The following TP63 variants were observed in gnomAD, a reference collection of about 807,000 sequenced individuals.
The protein encoded by TP63 is tumor protein 63.
Under a neutral mutation model 82.8 loss-of-function variants are expected in TP63, and 17 were observed. That is an observed-to-expected ratio of 0.21 (90% CI 0.14 to 0.31). The LOEUF (loss-of-function observed/expected upper bound fraction) is 0.31, where lower values mean the gene tolerates loss of function less well. Ranked by LOEUF, TP63 falls within the 10% of genes least tolerant of loss-of-function variation. The probability of loss-of-function intolerance (pLI) is 1.00; values close to 1 mark genes in which losing one functional copy is unlikely to be tolerated. For missense variants in TP63, 648 were observed against 895.3 expected (o/e 0.72, Z 3.52); for synonymous variants, 330 against 321.7 (o/e 1.03, Z -0.28).
At position 189,649,076 on chromosome 3, in the gene TP63, A is replaced by T. The variant is rs1712662353; in HGVS notation, c.62+17499A>T. Among the ~76,000 whole-genome samples, 3 of 147,370 alleles carry T rather than the reference A, an allele frequency of 2.0e-5. 1 individual carries two copies. The highest frequency in any genetic ancestry group is 4.5e-5 in the Non-Finnish European group (3 of 67,406). ...TTATACCAGGCACTAGTTAGCAAAA[A>T]GTTATTCATGCTATTATGGAAGTGT... On this transcript the variant is annotated intron_variant, in intron 1 of 13. Coordinates refer to ENST00000264731, the MANE Select transcript of TP63 (RefSeq NM_003722.5).
chr3:189,788,973 A>G (rs890912815), intron 3 of TP63, among the ~76,000 whole-genome samples: 1 of 151,626 alleles, frequency 6.6e-6, no homozygotes, highest in African/African-American at 2.4e-5. Context: ...GGACACATTT[A>G]TCAGGATTCC....
intron 3 of TP63, among the ~76,000 whole-genome samples, chr3:189,759,927 A>G (rs1442184326): frequency 1.7e-4 from 26 of 152,212 alleles, no homozygotes; most frequent in Non-Finnish European, 3.5e-4. Flanking sequence ...AGCAAGTCAC[A>G]TCTTATGTGG....
intron 4 of TP63, among the ~76,000 whole-genome samples, chr3:189,828,250 A>C (rs1457046041): frequency 3.0e-4 from 33 of 108,408 alleles, no homozygotes; most frequent in Admixed American, 8.8e-5. Context: ...CAAAACAAGC[A>C]AAAAAAAAAA....
At chr3:189,758,388 G>A (rs561100719) in intron 3 of TP63, among the ~76,000 whole-genome samples, 175 of 152,336 alleles carry the variant, frequency 1.1e-3, no homozygotes, top group African/African-American at 3.9e-3. Context: ...TCTCAAGTGA[G>A]CATGCATACA....
chr3:189,739,367 C>T (rs1255979081), intron 3 of TP63, among the ~76,000 whole-genome samples: 1 of 152,170 alleles, frequency 6.6e-6, no homozygotes, highest in Non-Finnish European at 1.5e-5. Flanking sequence ...CTGCCCACCT[C>T]AGCCTCCCAA....
chr3:189,641,610 A>C (rs927690247), intron 1 of TP63, among the ~76,000 whole-genome samples: 3 of 152,108 alleles, frequency 2.0e-5, no homozygotes, highest in Non-Finnish European at 2.9e-5. Context: ...TCCAGTTATT[A>C]TGTAAGTGAC....
intron 1 of TP63, among the ~76,000 whole-genome samples, chr3:189,643,289 C>T (rs979438582): frequency 6.6e-6 from 1 of 152,188 alleles, no homozygotes; most frequent in Admixed American, 6.5e-5. Context: ...GCGTGAGCCA[C>T]TGCACCCGGC....
intron 10 of TP63, chr3:189,880,105 G>A (rs202217271): frequency 1.7e-5 from 28 of 1,613,796 alleles, no homozygotes; most frequent in South Asian, 1.1e-4. Context: ...GTGGAGCCCC[G>A]GAGAGAAACT....
At chr3:189,825,259 A>G (rs1010736103) in intron 4 of TP63, among the ~76,000 whole-genome samples, 8 of 152,260 alleles carry the variant, frequency 5.3e-5, no homozygotes, top group African/African-American at 1.9e-4. Flanking sequence ...TTATTTCCTC[A>G]TATAATAGGC....
chr3:189,631,352 T>G (rs1345481921), upstream of TP63: 2 of 1,471,990 alleles, frequency 1.4e-6, no homozygotes, highest in Non-Finnish European at 1.8e-6. Context: ...CTCCGCCTCT[T>G]TGCAAATATG....
intron 10 of TP63, chr3:189,880,545 T>A: frequency 1.0e-6 from 1 of 989,938 alleles, no homozygotes; most frequent in Non-Finnish European, 1.2e-6. Context: ...GTTGTTTTTC[T>A]AAAATTCACA....
intron 1 of TP63, among the ~76,000 whole-genome samples, chr3:189,682,536 G>GAAAAAAA (rs375284237): frequency 1.0e-4 from 2 of 19,168 alleles, no homozygotes; most frequent in African/African-American, 1.8e-4. Flanking sequence ...GTCCTAAGGG[G>GAAAAAAA]AAAAAAAAAA....
At chr3:189,692,086 C>T (rs188143986) in intron 1 of TP63, among the ~76,000 whole-genome samples, 2 of 152,248 alleles carry the variant, frequency 1.3e-5, no homozygotes, top group African/African-American at 4.8e-5. Flanking sequence ...ATTTCTAGCA[C>T]TCTCTATTAT....
Position 189,648,510 on chromosome 3 carries a change from T to G in TP63, c.62+16933T>G, listed in dbSNP as rs149107048. Among the ~76,000 whole-genome samples the G allele has an allele frequency of 2.6e-4, 38 of 147,342 alleles. 3 individuals are homozygous for G. The highest frequency in any genetic ancestry group is 9.4e-4 in the African/African-American group (37 of 39,402). Reference sequence around the variant, plus strand: ...TTACGGAGAAATCATTAATAAATAATTCTTGGTACATTTACTTATATTGCT... The same window carrying G: ...TTACGGAGAAATCATTAATAAATAAGTCTTGGTACATTTACTTATATTGCT... On this transcript the variant is annotated intron_variant, in intron 1 of 13. Transcript: ENST00000264731.
At chr3:189,821,580 T>C (rs1728799703) in intron 4 of TP63, among the ~76,000 whole-genome samples, 1 of 152,234 alleles carries the variant, frequency 6.6e-6, no homozygotes. Context: ...AGAGAGGTTA[T>C]ATTTTCCTAA....
chr3:189,732,840 C>T (rs539443907), intron 1 of TP63, among the ~76,000 whole-genome samples: 2 of 152,268 alleles, frequency 1.3e-5, no homozygotes, highest in Admixed American at 6.5e-5. Context: ...ACCTAAAATC[C>T]TCTGCAGCAG....
chr3:189,881,065 G>A, intron 10 of TP63: 11 of 985,286 alleles, frequency 1.1e-5, no homozygotes, highest in Non-Finnish European at 1.3e-5. Context: ...AGAATTTGAA[G>A]CCCTCTCACA....
chr3:189,697,233 G>GTTTT (rs60550638), intron 1 of TP63, among the ~76,000 whole-genome samples: 4 of 142,250 alleles, frequency 2.8e-5, no homozygotes, highest in Admixed American at 7.0e-5. Flanking sequence ...TCTAGGTTCA[G>GTTTT]TTTTTTTTTT....
rs35477020 is a variant in TP63 at position 189,880,249 on chromosome 3, G to A, written c.1350-6145G>A. ...TATATGTGAGTGTGTGTGTGTGTAT[G>A]TGTGTGCGTGTGTATCTAGCCCTCA... On this transcript the variant is annotated intron_variant, in intron 10 of 13. Transcript: ENST00000264731. The A allele has an allele frequency of 1.2e-3, 1,755 of 1,507,292 alleles. 17 individuals are homozygous for A. The African/African-American group carries it at 0.021, about 18-fold the overall frequency. 93.4% of individuals were successfully genotyped at this position (1,507,292 alleles called of 1,614,324 possible).
Sources: allele counts gnomAD v4.1 joint callset (sites outside exome capture counted in the v4.1 genomes callset), GRCh38; gene constraint gnomAD v4.1.1; transcripts MANE v1.5; gene names NCBI Gene and HGNC (gene_info 2026-07-23, HGNC 2026-07-21).